NCALD: variants seen among roughly 807,000 people sequenced by gnomAD.
NCALD encodes the protein neurocalcin delta.
A neutral mutation model predicts 18.6 loss-of-function variants in NCALD; 10 were observed. The observed-to-expected ratio is 0.54, with a 90% CI of 0.33 to 0.91. NCALD has a LOEUF of 0.91. NCALD is among the 40% of genes least tolerant of loss of function. NCALD has a pLI of 0.03. For synonymous variants in NCALD, 88 were observed against 87.4 expected, an observed-to-expected ratio of 1.01 and a Z score of -0.04; for missense variants, 184 against 247.6, an observed-to-expected ratio of 0.74 and a Z score of 1.72.
chr8:102,065,010 C>CAAAAAA (rs34548051), intron 1 of NCALD, among the ~76,000 whole-genome samples: 11 of 87,534 alleles, frequency 1.3e-4, no homozygotes, highest in African/African-American at 2.4e-4. Flanking sequence ...CTCACTTTGG[C>CAAAAAA]AAAAAAAAAA....
chr8:101,729,086 C>T (rs1209530974), intron 1 of NCALD, among the ~76,000 whole-genome samples: 1 of 152,220 alleles, frequency 6.6e-6, no homozygotes, highest in Non-Finnish European at 1.5e-5. Context: ...TAAAATCCCA[C>T]AAATTCATTT....
chr8:101,983,718 C>G (rs2131950801), intron 2 of NCALD, among the ~76,000 whole-genome samples: 1 of 152,300 alleles, frequency 6.6e-6, no homozygotes, highest in South Asian at 2.1e-4. Flanking sequence ...GGCCTTCTGG[C>G]CTTTCTGGGC....
intron 2 of NCALD, among the ~76,000 whole-genome samples, chr8:101,931,845 GA>G (rs1207147283): frequency 6.6e-6 from 1 of 152,092 alleles, no homozygotes; most frequent in East Asian, 1.9e-4. Context: ...TTTACATATG[GA>G]AAAACAGAGG....
In NCALD at chr8:101,689,471, C is replaced by A. The variant is rs1214707584; in HGVS notation, c.485-65G>T. The A allele has an allele frequency of 3.2e-6, 4 of 1,254,054 alleles. No homozygotes were observed. The African/African-American group carries it at 4.5e-5, about 14-fold the overall frequency. The allele number at this position is 1,254,054 out of a possible 1,614,324, so 77.7% of individuals were successfully genotyped here. The stretch of plus-strand genomic sequence containing the variant: ...GCTGCATGAGCTTACACCCTTCCCA[C>A]TACTGCGTGCTGGGCAGTGTCGATT... On this transcript the variant is annotated intron_variant, in intron 3 of 3. Coordinates refer to ENST00000220931, the MANE Select transcript of NCALD (RefSeq NM_032041.3). The surrounding 1 kb of genome is among the most constrained non-coding windows in gnomAD (Gnocchi z 4.4).
intron 2 of NCALD, among the ~76,000 whole-genome samples, chr8:101,988,326 G>A (rs982789502): frequency 2.0e-4 from 30 of 152,148 alleles, no homozygotes; most frequent in African/African-American, 5.6e-4. Context: ...GCATGTATGC[G>A]TGCATGTATG....
intron 1 of NCALD, among the ~76,000 whole-genome samples, chr8:101,759,266 A>C (rs1051826598): frequency 6.6e-6 from 1 of 152,234 alleles, no homozygotes; most frequent in African/African-American, 2.4e-5. Context: ...GCCAATGGCT[A>C]GAAGAAATTT....
At chr8:101,923,706 G>T (rs1818244593) in intron 2 of NCALD, among the ~76,000 whole-genome samples, 1 of 151,968 alleles carries the variant, frequency 6.6e-6, no homozygotes, top group African/African-American at 2.4e-5. Flanking sequence ...TTTTTAAAGG[G>T]ACTTTGTACA....
At chr8:102,046,299 T>C (rs182431660) in intron 1 of NCALD, among the ~76,000 whole-genome samples, 3 of 152,210 alleles carry the variant, frequency 2.0e-5, no homozygotes, top group African/African-American at 7.2e-5. Context: ...ATTCCATATA[T>C]GTTTAAGCTT....
chr8:101,939,638 C>T (rs1818884884), intron 2 of NCALD, among the ~76,000 whole-genome samples: 1 of 152,210 alleles, frequency 6.6e-6, no homozygotes, highest in African/African-American at 2.4e-5. Flanking sequence ...TTCAGCTCAA[C>T]CCTATCCAAA....
At chr8:102,050,860 TTTAA>T (rs1563575178) in intron 1 of NCALD, among the ~76,000 whole-genome samples, 2 of 146,744 alleles carry the variant, frequency 1.4e-5, no homozygotes, top group East Asian at 2.0e-4. Context: ...AATTAATTAA[TTTAA>T]TTAATTTTTA....
intron 2 of NCALD, among the ~76,000 whole-genome samples, chr8:101,704,705 G>A (rs553713528): frequency 1.2e-4 from 17 of 147,608 alleles, no homozygotes; most frequent in African/African-American, 4.3e-4. Context: ...ATCAGCTGAG[G>A]TCAGGAGTTC....
intron 2 of NCALD, among the ~76,000 whole-genome samples, chr8:101,965,410 T>C (rs190272374): frequency 1.4e-4 from 22 of 152,276 alleles, no homozygotes; most frequent in Admixed American, 9.8e-4. Context: ...GTGGCACATA[T>C]ATACCATGGA....
At chr8:101,964,227 C>T (rs1023959696) in intron 2 of NCALD, among the ~76,000 whole-genome samples, 5 of 152,118 alleles carry the variant, frequency 3.3e-5, no homozygotes, top group Non-Finnish European at 5.9e-5. Flanking sequence ...ACACACCCCC[C>T]GACTTTGACA....
chr8:101,857,840 T>G (rs1363888632), intron 4 of NCALD, among the ~76,000 whole-genome samples: 2 of 152,204 alleles, frequency 1.3e-5, no homozygotes, highest in African/African-American at 4.8e-5. Context: ...GCACTGAATA[T>G]TCCACATCCC....
intron 1 of NCALD, among the ~76,000 whole-genome samples, chr8:101,736,146 G>A (rs746098028): frequency 2.6e-5 from 4 of 152,128 alleles, no homozygotes; most frequent in South Asian, 2.1e-4. Flanking sequence ...TAAAAACCCC[G>A]AGCTGTCTCT....
chr8:101,868,680 AG>A (rs925349961), intron 4 of NCALD, among the ~76,000 whole-genome samples: 71 of 152,254 alleles, frequency 4.7e-4, no homozygotes, highest in African/African-American at 1.6e-3. Flanking sequence ...ACCAAAAACA[AG>A]GCTTTCTGCA....
intron 2 of NCALD, among the ~76,000 whole-genome samples, chr8:101,981,802 G>C (rs965526029): frequency 2.6e-5 from 4 of 152,120 alleles, no homozygotes; most frequent in Non-Finnish European, 4.4e-5. Context: ...AAGTCTCAAA[G>C]GGTAGTTCAC....
At chr8:102,122,701 A>G (rs1437793866) in intron 1 of NCALD, among the ~76,000 whole-genome samples, 1 of 152,212 alleles carries the variant, frequency 6.6e-6, no homozygotes, top group Non-Finnish European at 1.5e-5. Context: ...CATGCCTCAC[A>G]TCAGAAAACA....
intron 1 of NCALD, among the ~76,000 whole-genome samples, chr8:101,751,995 C>T (rs1359112504): frequency 2.0e-5 from 3 of 152,136 alleles, no homozygotes; most frequent in South Asian, 2.1e-4. Context: ...CATGTTTTGG[C>T]TACTGTAAAT....
Sources: gnomAD v4.1 joint callset for allele counts (sites outside exome capture counted in the v4.1 genomes callset) on GRCh38, gnomAD v4.1.1 for gene constraint, Gnocchi (gnomAD v3.1) non-coding constraint, MANE v1.5 for transcripts, NCBI Gene and HGNC (gene_info 2026-07-23, HGNC 2026-07-21) for gene names.